Variants in BCAS1 observed in about 807,000 individuals in gnomAD.
BCAS1 encodes brain enriched myelin associated protein 1.
BCAS1 carries 46 observed loss-of-function variants against 65.4 expected under a neutral mutation model. The ratio of observed to expected loss-of-function variants is 0.70; its 90% confidence interval spans 0.55 to 0.90. The LOEUF (loss-of-function observed/expected upper bound fraction) is 0.90, where lower values mean the gene tolerates loss of function less well. Among genes scored for constraint, BCAS1 ranks in the 40% least tolerant of loss-of-function variants. The probability of loss-of-function intolerance (pLI) is 0.00; values close to 1 mark genes in which losing one functional copy is unlikely to be tolerated. For missense variants in BCAS1, 793 were observed against 771.2 expected (o/e 1.03, Z -0.33); for synonymous variants, 298 against 293.5 (o/e 1.02, Z -0.16).
At chr20:54,058,764 A>C in intron 1 of BCAS1, 41 bp from the exon 2 acceptor site, 1 of 1,602,684 alleles carries the variant, frequency 6.2e-7, no homozygotes, top group South Asian at 1.1e-5. Flanking sequence ...AAGAAATCAA[A>C]ACCAAACGAA....
chr20:54,065,947 A>G (rs459376), intron 1 of BCAS1, among the ~76,000 whole-genome samples: 97,350 of 152,142 alleles, frequency 0.64, 31,894 homozygotes, highest in African/African-American at 0.77. Flanking sequence ...AATAAAATGG[A>G]CCATACATTA....
chr20:54,034,958 T>C (rs1325075421), intron 3 of BCAS1, among the ~76,000 whole-genome samples: 1 of 151,086 alleles, frequency 6.6e-6, no homozygotes, highest in Non-Finnish European at 1.5e-5. Context: ...TGGAACAGAA[T>C]AGAGAACCCG....
At chr20:54,015,333 C>CT (rs557558034) in intron 4 of BCAS1, among the ~76,000 whole-genome samples, 21 of 147,962 alleles carry the variant, frequency 1.4e-4, no homozygotes, top group South Asian at 4.3e-4. Flanking sequence ...TGCCCAAACT[C>CT]TTTTTTTTTT....
chr20:53,950,611 C>T (rs937911911), intron 12 of BCAS1, among the ~76,000 whole-genome samples: 1 of 152,042 alleles, frequency 6.6e-6, no homozygotes, highest in Non-Finnish European at 1.5e-5. Flanking sequence ...TAATTTTAAC[C>T]TTGTTTTTAA....
At chr20:54,063,104 C>T (rs948805825) in intron 1 of BCAS1, among the ~76,000 whole-genome samples, 1 of 152,152 alleles carries the variant, frequency 6.6e-6, no homozygotes, top group African/African-American at 2.4e-5. Flanking sequence ...TCCTGGAACT[C>T]GTAATAATGA....
chr20:53,962,981 G>A (rs1308776570), intron 10 of BCAS1, among the ~76,000 whole-genome samples: 1 of 152,046 alleles, frequency 6.6e-6, no homozygotes, highest in African/African-American at 2.4e-5. Context: ...CTCCTGAGTA[G>A]CTGGGACTAC....
At chr20:54,020,352 T>C (rs970558701) in intron 4 of BCAS1, among the ~76,000 whole-genome samples, 1 of 152,222 alleles carries the variant, frequency 6.6e-6, no homozygotes, top group African/African-American at 2.4e-5. Context: ...ATTTACTAGA[T>C]ATTTCAATGG....
chr20:53,957,253 T>C (rs2145548756), intron 11 of BCAS1, among the ~76,000 whole-genome samples, 179 bp downstream of exon 11: 1 of 152,332 alleles, frequency 6.6e-6, no homozygotes, highest in African/African-American at 2.4e-5. Context: ...GCTGAGGAAC[T>C]CTAGCTTGTT....
Position 54,028,905 on chromosome 20 carries a change from A to G in BCAS1, c.210T>C (p.Ser70=), listed in dbSNP as rs2091740739. 9 of 1,613,614 alleles carry G rather than the reference A, an allele frequency of 5.6e-6. No homozygotes were observed. The highest frequency in any genetic ancestry group is 1.1e-5 in the South Asian group (1 of 91,054). The change falls in exon 4 of 13, where the codon AGT becomes AGC. Residue 70 remains serine (S), a synonymous_variant. Coordinates refer to ENST00000688948, the MANE Select transcript of BCAS1 (RefSeq NM_001366298.2). ...ATSSPETTEI[S]AVADANGKNL... The stretch of plus-strand genomic sequence containing the variant: ...TCTTTCCGTTGGCATCCGCAACAGC[A>G]CTTATCTCCGTTGTCTCGGGGGAAG...
intron 12 of BCAS1, among the ~76,000 whole-genome samples, chr20:53,946,993 G>A (rs767162953): frequency 5.3e-4 from 81 of 152,188 alleles, no homozygotes; most frequent in South Asian, 1.7e-3. Context: ...TATAGTATAT[G>A]TATATAGTAC....
intron 3 of BCAS1, among the ~76,000 whole-genome samples, chr20:54,030,536 A>G (rs1211400477): frequency 7.1e-6 from 1 of 141,142 alleles, no homozygotes; most frequent in African/African-American, 2.5e-5. Flanking sequence ...AGAAAAATAA[A>G]GGGAAGAATT....
chr20:54,000,426 G>A (rs1387761998), intron 4 of BCAS1, among the ~76,000 whole-genome samples: 1 of 152,134 alleles, frequency 6.6e-6, no homozygotes, highest in African/African-American at 2.4e-5. Flanking sequence ...TCTCCCTTAT[G>A]TTTCCCCAGC....
chr20:53,954,323 GAGAGA>G (rs2089632743), intron 11 of BCAS1, among the ~76,000 whole-genome samples: 1 of 151,832 alleles, frequency 6.6e-6, no homozygotes, highest in South Asian at 2.1e-4. Context: ...GAGAGAGAGA[GAGAGA>G]GAGAGAGGGA....
intron 4 of BCAS1, among the ~76,000 whole-genome samples, chr20:54,000,391 A>G (rs1369454018): frequency 6.6e-6 from 1 of 152,186 alleles, no homozygotes; most frequent in Non-Finnish European, 1.5e-5. Flanking sequence ...CCTTCACTGG[A>G]ATAGAAACCA....
rs956237889 is a variant in BCAS1, at chr20:54,055,043, G to C, written c.142+3042C>G. On this transcript the variant is annotated intron_variant, in intron 3 of 12. Transcript: ENST00000688948. ...TACAGGTGAGAGAGGAAAGAAAAGAGAAAGTGAGATGGAGGATGGAGAGAA... is the reference window on the plus strand; with the variant it reads ...TACAGGTGAGAGAGGAAAGAAAAGACAAAGTGAGATGGAGGATGGAGAGAA... Among the ~76,000 whole-genome samples, 94 of 152,248 alleles carry C rather than the reference G, an allele frequency of 6.2e-4. 1 individual carries two copies. The highest frequency in any genetic ancestry group is 1.2e-3 in the Non-Finnish European group (85 of 68,020).
chr20:53,994,421 T>C (rs1364379478), intron 6 of BCAS1, among the ~76,000 whole-genome samples: 1 of 152,226 alleles, frequency 6.6e-6, no homozygotes, highest in Admixed American at 6.5e-5. Flanking sequence ...CTAGGCTCTC[T>C]AGCGTGTCCT....
intron 3 of BCAS1, among the ~76,000 whole-genome samples, chr20:54,039,836 A>G (rs939896579): frequency 6.6e-6 from 1 of 151,334 alleles, no homozygotes; most frequent in Admixed American, 6.6e-5. Context: ...GGCATATTGA[A>G]CTTTGTTTAT....
chr20:53,962,487 G>A (rs980587782), intron 10 of BCAS1, among the ~76,000 whole-genome samples: 1 of 152,156 alleles, frequency 6.6e-6, no homozygotes, highest in Admixed American at 6.5e-5. Flanking sequence ...CAAGTGTAAG[G>A]TGTTATTAAT....
intron 3 of BCAS1, among the ~76,000 whole-genome samples, chr20:54,048,734 G>A (rs2092156682): frequency 6.6e-6 from 1 of 152,222 alleles, no homozygotes; most frequent in African/African-American, 2.4e-5. Context: ...ATCCAGGGTT[G>A]CATTCCTTGA....
Sources: allele counts gnomAD v4.1 joint callset (sites outside exome capture counted in the v4.1 genomes callset), GRCh38; gene constraint gnomAD v4.1.1; transcripts MANE v1.5; gene names NCBI Gene and HGNC (gene_info 2026-07-23, HGNC 2026-07-21).